Variants in NEK7 observed in about 807,000 individuals in gnomAD.
The protein encoded by NEK7 is serine/threonine-protein kinase Nek7.
A neutral mutation model predicts 44.6 loss-of-function variants in NEK7; 18 were observed. That is an observed-to-expected ratio of 0.40 (90% CI 0.28 to 0.60). NEK7 has a LOEUF of 0.60. NEK7 is among the 20% of genes least tolerant of loss of function. The pLI, the probability that NEK7 is intolerant of heterozygous loss-of-function variation, is 0.38. For missense variants in NEK7, 256 were observed against 366.5 expected, an observed-to-expected ratio of 0.70 and a Z score of 2.46; for synonymous variants, 130 against 121.1, an observed-to-expected ratio of 1.07 and a Z score of -0.48.
At chr1:198,310,161 T>C (rs1419216243) in intron 9 of NEK7, among the ~76,000 whole-genome samples, 1 of 152,200 alleles carries the variant, frequency 6.6e-6, no homozygotes, top group Non-Finnish European at 1.5e-5. Context: ...TGGTATCTCA[T>C]TGTGGTTTTG....
intron 1 of NEK7, among the ~76,000 whole-genome samples, chr1:198,187,970 A>T (rs1664969585): frequency 6.6e-6 from 1 of 152,178 alleles, no homozygotes; most frequent in Non-Finnish European, 1.5e-5. Context: ...CTGGCTCTAT[A>T]GAGGCACTTC....
chr1:198,210,710 T>G (rs2102816762), intron 1 of NEK7, among the ~76,000 whole-genome samples: 1 of 150,704 alleles, frequency 6.6e-6, no homozygotes, highest in East Asian at 1.9e-4. Flanking sequence ...ATCAACTGTA[T>G]TATATGTCAT....
intron 1 of NEK7, among the ~76,000 whole-genome samples, chr1:198,221,316 A>C (rs893603825): frequency 6.6e-6 from 1 of 151,924 alleles, no homozygotes; most frequent in Non-Finnish European, 1.5e-5. Context: ...TACATTTTAA[A>C]TTAAAAGTTG....
intron 5 of NEK7, among the ~76,000 whole-genome samples, chr1:198,277,030 T>C (rs904680904): frequency 1.3e-5 from 2 of 151,740 alleles, no homozygotes; most frequent in Non-Finnish European, 1.5e-5. Context: ...TTAATACCTA[T>C]ATATATTTTA....
chr1:198,282,063 C>G (rs779696284), intron 7 of NEK7, among the ~76,000 whole-genome samples: 26 of 152,082 alleles, frequency 1.7e-4, no homozygotes, highest in Non-Finnish European at 3.1e-4. Flanking sequence ...AACAGGTCTT[C>G]ACTTGTTTTT....
At position 198,249,060 on chromosome 1, in the gene NEK7, T is replaced by G. The variant is rs1571570399; in HGVS notation, c.58-3980T>G. ...CCCCCCTCCCCCCACCCCACAACAGTCCCCAGAGTGTGATGTTCCCCTTCC... is the reference window on the plus strand; with the variant it reads ...CCCCCCTCCCCCCACCCCACAACAGGCCCCAGAGTGTGATGTTCCCCTTCC... On this transcript the variant is annotated intron_variant, in intron 2 of 9. Coordinates refer to ENST00000367385, the MANE Select transcript of NEK7 (RefSeq NM_133494.3). 2.8e-5 allele frequency among the ~76,000 whole-genome samples: 3 copies of G among 108,618 alleles called. No homozygotes were observed. In the South Asian group the frequency reaches 9.2e-4, roughly 33 times the overall value. The allele number at this position is 108,618 out of a possible 152,430, so 71.3% of individuals were successfully genotyped here.
At chr1:198,159,001 G>T (rs569740937) in intron 1 of NEK7, among the ~76,000 whole-genome samples, 3 of 152,306 alleles carry the variant, frequency 2.0e-5, no homozygotes, top group Admixed American at 6.5e-5. Flanking sequence ...ACCGTTTGAG[G>T]AGGCTAGTTG....
At chr1:198,306,824 T>C (rs1352837965) in intron 9 of NEK7, among the ~76,000 whole-genome samples, 1 of 152,148 alleles carries the variant, frequency 6.6e-6, no homozygotes, top group Non-Finnish European at 1.5e-5. Context: ...TTGCAACTTA[T>C]TTTACCCCCA....
intron 3 of NEK7, among the ~76,000 whole-genome samples, chr1:198,260,738 G>A (rs535537295): frequency 2.0e-5 from 3 of 152,030 alleles, no homozygotes; most frequent in Admixed American, 6.6e-5. Context: ...GTTGCAGAAC[G>A]TAAATTTGAT....
At chr1:198,273,461 A>T (rs1653917691) in intron 5 of NEK7, among the ~76,000 whole-genome samples, 1 of 151,800 alleles carries the variant, frequency 6.6e-6, no homozygotes, top group Admixed American at 6.6e-5. Flanking sequence ...TCACACTTAG[A>T]ACTGTCCATT....
intron 1 of NEK7, among the ~76,000 whole-genome samples, chr1:198,196,669 C>T (rs910129401): frequency 6.6e-6 from 1 of 152,120 alleles, no homozygotes; most frequent in African/African-American, 2.4e-5. Flanking sequence ...TAGCTTGAGG[C>T]GTCATATCCA....
At chr1:198,161,607 C>A (rs1351912861) in intron 1 of NEK7, among the ~76,000 whole-genome samples, 1 of 152,130 alleles carries the variant, frequency 6.6e-6, no homozygotes, top group Non-Finnish European at 1.5e-5. Flanking sequence ...CAGAATAATA[C>A]CCAGCTGTCC....
At chr1:198,253,943 A>T (rs1653165180) in intron 3 of NEK7, among the ~76,000 whole-genome samples, 1 of 152,200 alleles carries the variant, frequency 6.6e-6, no homozygotes, top group Non-Finnish European at 1.5e-5. Flanking sequence ...TAAATCACAC[A>T]GTGAATCATA....
At chr1:198,251,007 G>A (rs1446184417) in intron 2 of NEK7, among the ~76,000 whole-genome samples, 3 of 152,046 alleles carry the variant, frequency 2.0e-5, no homozygotes, top group Admixed American at 6.6e-5. Context: ...GTATGATATT[G>A]GCTGTGGGTT....
intron 9 of NEK7, among the ~76,000 whole-genome samples, chr1:198,308,300 A>G (rs1172192264): frequency 1.3e-5 from 2 of 152,170 alleles, no homozygotes; most frequent in Admixed American, 1.3e-4. Flanking sequence ...TAGAGTCACA[A>G]AAGTTATTTA....
intron 1 of NEK7, among the ~76,000 whole-genome samples, chr1:198,175,650 G>A (rs1664584731): frequency 6.6e-6 from 1 of 152,178 alleles, no homozygotes; most frequent in Non-Finnish European, 1.5e-5. Context: ...TTGTTGCTAT[G>A]TGACTAACTG....
intron 1 of NEK7, among the ~76,000 whole-genome samples, chr1:198,170,414 CAGTT>C (rs1431885783): frequency 1.3e-5 from 2 of 152,116 alleles, no homozygotes; most frequent in Non-Finnish European, 2.9e-5. Flanking sequence ...ACATGACAGG[CAGTT>C]AGATTAAATT....
chr1:198,167,480 C>T (rs757117275), intron 1 of NEK7, among the ~76,000 whole-genome samples: 10 of 152,102 alleles, frequency 6.6e-5, no homozygotes, highest in Non-Finnish European at 7.4e-5. Context: ...AGAGAAAATG[C>T]CACTTCAAGC....
At chr1:198,173,846 T>C (rs1015185975) in intron 1 of NEK7, among the ~76,000 whole-genome samples, 19 of 152,214 alleles carry the variant, frequency 1.2e-4, no homozygotes, top group Admixed American at 6.5e-5. Flanking sequence ...AGCATAACAT[T>C]ATGTTATTCC....
Sources: gnomAD v4.1 joint callset for allele counts (sites outside exome capture counted in the v4.1 genomes callset) on GRCh38, gnomAD v4.1.1 for gene constraint, MANE v1.5 for transcripts, NCBI Gene and HGNC (gene_info 2026-07-23, HGNC 2026-07-21) for gene names.